The following NRXN1 variants were observed in gnomAD, a reference collection of about 807,000 sequenced individuals.
NRXN1 encodes the protein neurexin-1.
Under a neutral mutation model 150.9 loss-of-function variants are expected in NRXN1, and 39 were observed. The ratio of observed to expected loss-of-function variants is 0.26; its 90% CI spans 0.20 to 0.34. NRXN1 has a LOEUF of 0.34. Ranked by LOEUF, NRXN1 falls within the 10% of genes least tolerant of loss-of-function variation. The pLI, the probability that NRXN1 is intolerant of heterozygous loss-of-function variation, is 1.00. For missense variants in NRXN1, 1,815 were observed against 1,949.9 expected, an observed-to-expected ratio of 0.93 and a Z score of 1.30; for synonymous variants, 924 against 757.0, an observed-to-expected ratio of 1.22 and a Z score of -3.62.
intron 17 of NRXN1, among the ~76,000 whole-genome samples, chr2:50,390,563 C>T (rs1190623992): frequency 6.6e-6 from 1 of 152,016 alleles, no homozygotes; most frequent in African/African-American, 2.4e-5. Flanking sequence ...TGACTGTGTT[C>T]CCCAAAGTTC....
intron 5 of NRXN1, among the ~76,000 whole-genome samples, chr2:50,693,060 T>C (rs1692294803): frequency 6.6e-6 from 1 of 152,138 alleles, no homozygotes. Context: ...TCGAGAAACT[T>C]ACTGTAAGCC....
chr2:50,183,543 T>G (rs1368393631), intron 18 of NRXN1, among the ~76,000 whole-genome samples: 1 of 151,844 alleles, frequency 6.6e-6, no homozygotes, highest in African/African-American at 2.4e-5. Flanking sequence ...AATATATATT[T>G]TTAAATGTGG....
chr2:50,661,987 G>A (rs1687369807), intron 5 of NRXN1, among the ~76,000 whole-genome samples: 1 of 151,928 alleles, frequency 6.6e-6, no homozygotes, highest in Admixed American at 6.6e-5. Flanking sequence ...TATTCCTTAA[G>A]GCCTTCACTC....
intron 21 of NRXN1, among the ~76,000 whole-genome samples, chr2:50,049,783 C>T (rs1692409854): frequency 6.6e-6 from 1 of 152,032 alleles, no homozygotes; most frequent in Non-Finnish European, 1.5e-5. Context: ...AGAGGGGGAA[C>T]ATTTAGCAGC....
At chr2:50,023,331 A>G (rs1406458563) in intron 21 of NRXN1, 1 of 152,160 alleles carries the variant, frequency 6.6e-6, no homozygotes, top group Non-Finnish European at 1.5e-5. Context: ...CCATTTGCAA[A>G]TATGTGCTGT....
At chr2:50,028,255 T>C (rs142234638) in intron 21 of NRXN1, among the ~76,000 whole-genome samples, 1 of 152,322 alleles carries the variant, frequency 6.6e-6, no homozygotes, top group African/African-American at 2.4e-5. Flanking sequence ...GGAGCTTTTA[T>C]AATCCTATAA....
At chr2:49,955,853 A>G (rs1674846130) in intron 21 of NRXN1, among the ~76,000 whole-genome samples, 1 of 152,116 alleles carries the variant, frequency 6.6e-6, no homozygotes, top group South Asian at 2.1e-4. Flanking sequence ...AATCAAATCT[A>G]TATCTACTGA....
intron 5 of NRXN1, among the ~76,000 whole-genome samples, chr2:50,915,004 T>G (rs1476438399): frequency 6.6e-6 from 1 of 151,528 alleles, no homozygotes; most frequent in Non-Finnish European, 1.5e-5. Context: ...AGAATTTTTT[T>G]AAAGTATGTT....
intron 5 of NRXN1, among the ~76,000 whole-genome samples, chr2:50,686,410 AAAT>A (rs1350059801): frequency 2.0e-5 from 3 of 152,114 alleles, no homozygotes; most frequent in Admixed American, 1.3e-4. Flanking sequence ...CTTTGGAGGG[AAAT>A]AATAATATTT....
chr2:50,411,734 G>A (rs1464764287), intron 17 of NRXN1, among the ~76,000 whole-genome samples: 2 of 150,126 alleles, frequency 1.3e-5, no homozygotes, highest in Non-Finnish European at 3.0e-5. Flanking sequence ...CTGTCTGGGA[G>A]GTGGGGGGCG....
At chr2:50,831,017 G>A (rs1280813367) in intron 5 of NRXN1, among the ~76,000 whole-genome samples, 1 of 152,036 alleles carries the variant, frequency 6.6e-6, no homozygotes, top group African/African-American at 2.4e-5. Flanking sequence ...TTTGATGCAG[G>A]CATGCAATAT....
intron 18 of NRXN1, among the ~76,000 whole-genome samples, chr2:50,181,997 G>A (rs944801699): frequency 6.6e-6 from 1 of 151,200 alleles, no homozygotes; most frequent in East Asian, 1.9e-4. Flanking sequence ...AAAAAACTAA[G>A]GTTTCCATAT....
chr2:49,997,244 T>C (rs1266878177), intron 21 of NRXN1, among the ~76,000 whole-genome samples: 2 of 152,154 alleles, frequency 1.3e-5, no homozygotes, highest in Non-Finnish European at 2.9e-5. Context: ...AAATTTATTA[T>C]AGCTCACAAA....
chr2:50,838,610 G>A (rs1037631479), intron 5 of NRXN1, among the ~76,000 whole-genome samples: 1 of 152,100 alleles, frequency 6.6e-6, no homozygotes, highest in African/African-American at 2.4e-5. Flanking sequence ...ATAAAAAGGT[G>A]AAATTTGGTC....
intron 5 of NRXN1, among the ~76,000 whole-genome samples, chr2:50,668,877 A>C (rs958812302): frequency 1.3e-5 from 2 of 151,968 alleles, no homozygotes; most frequent in Non-Finnish European, 2.9e-5. Flanking sequence ...GGAGGAGGTA[A>C]ATAGAGGAAA....
chr2:49,924,039 C>T (rs1001406995), intron 22 of NRXN1, among the ~76,000 whole-genome samples: 7 of 152,200 alleles, frequency 4.6e-5, no homozygotes, highest in African/African-American at 1.7e-4. Context: ...ACTGCAGTAA[C>T]TCTGTCACTA....
chr2:50,569,289 T>G (rs1670310037), intron 8 of NRXN1, among the ~76,000 whole-genome samples: 1 of 151,820 alleles, frequency 6.6e-6, no homozygotes, highest in South Asian at 2.1e-4. Flanking sequence ...ACTAAAAGAG[T>G]GTAATTGGAT....
At chr2:50,437,896 C>T (rs942217503) in intron 17 of NRXN1, among the ~76,000 whole-genome samples, 1 of 152,164 alleles carries the variant, frequency 6.6e-6, no homozygotes, top group Non-Finnish European at 1.5e-5. Flanking sequence ...CATTCTATAA[C>T]AATCATCAAA....
At chr2:50,001,268 G>C (rs1289769087) in intron 21 of NRXN1, among the ~76,000 whole-genome samples, 2 of 152,070 alleles carry the variant, frequency 1.3e-5, no homozygotes, top group African/African-American at 4.8e-5. Context: ...TAACATTTAT[G>C]GATTGCTTAG....
Sources: allele counts gnomAD v4.1 joint callset (sites outside exome capture counted in the v4.1 genomes callset), GRCh38; gene constraint gnomAD v4.1.1; transcripts MANE v1.5; gene names NCBI Gene and HGNC (gene_info 2026-07-23, HGNC 2026-07-21).